HTR4: variants seen among roughly 807,000 people sequenced by gnomAD.
HTR4 encodes the protein 5-hydroxytryptamine (serotonin) receptor 4, G protein-coupled.
In HTR4, 16 loss-of-function variants were observed where a neutral mutation model predicts 36.8. The ratio of observed to expected loss-of-function variants is 0.43; its 90% CI spans 0.29 to 0.66. The LOEUF is 0.66. HTR4 is among the 30% of genes least tolerant of loss of function. The pLI is 0.13. For missense variants in HTR4, 438 were observed against 490.9 expected (o/e 0.89, Z 1.02); for synonymous variants, 189 against 185.1 (o/e 1.02, Z -0.17).
At chr5:148,501,814 C>T (rs1756946597) in intron 6 of HTR4, among the ~76,000 whole-genome samples, 1 of 152,108 alleles carries the variant, frequency 6.6e-6, no homozygotes, top group Non-Finnish European at 1.5e-5. Context: ...AATCCCAGCA[C>T]TTTGGGAGGC....
intron 4 of HTR4, among the ~76,000 whole-genome samples, chr5:148,544,234 T>C (rs560809615): frequency 6.6e-6 from 1 of 152,228 alleles, no homozygotes; most frequent in South Asian, 2.1e-4. Flanking sequence ...GATCTTTCTT[T>C]TTCATTCTCA....
At chr5:148,460,325 A>C (rs897905671) in intron 5 of HTR4, among the ~76,000 whole-genome samples, 2 of 152,186 alleles carry the variant, frequency 1.3e-5, no homozygotes, top group African/African-American at 4.8e-5. Flanking sequence ...ATAAATGCCA[A>C]CAAAATTACA....
intron 5 of HTR4, among the ~76,000 whole-genome samples, chr5:148,455,058 C>T (rs1755066734): frequency 6.6e-6 from 1 of 152,152 alleles, no homozygotes; most frequent in Non-Finnish European, 1.5e-5. Flanking sequence ...TTTATTAAGA[C>T]ATTAGGATGT....
At position 148,603,886 on chromosome 5, in the gene HTR4, C is replaced by A. The variant is rs373100873; in HGVS notation, c.26+33103G>T. ...AATAGGATTTGGAAATAGCCCCACC[C>A]GTAATCATCACGGACTTAAGATACA... On this transcript the variant is annotated intron_variant, in intron 2 of 6. Coordinates refer to ENST00000377888, the MANE Select transcript of HTR4 (RefSeq NM_000870.7). Among the ~76,000 whole-genome samples the A allele has an allele frequency of 1.1e-3, 161 of 152,018 alleles. 2 individuals are homozygous for A. The highest frequency in any genetic ancestry group is 3.5e-3 in the African/African-American group (147 of 41,502).
In HTR4 at chr5:148,510,005, T is replaced by C. The variant is rs2113772555; in HGVS notation, c.527A>G (p.Asn176Ser). The C allele has an allele frequency of 6.2e-7, 1 of 1,611,576 alleles. No individual in the cohort carries two copies. ...IIDLIEKRKFNQNSNSTYCVF... is the reference protein window; with the variant it reads ...IIDLIEKRKFSQNSNSTYCVF... ...ACAGTACGTAGAGTTAGAGTTCTGGTTGAACTTCCTCTTTTCTATCTGAGA... is the reference window on the plus strand; with the variant it reads ...ACAGTACGTAGAGTTAGAGTTCTGGCTGAACTTCCTCTTTTCTATCTGAGA... The change falls in exon 6 of 7, where the codon AAC (asparagine) becomes AGC (serine). Residue 176 changes from asparagine (N) to serine (S), a missense_variant. Asn to Ser is a conservative substitution (Grantham distance 46, BLOSUM62 1). Transcript: ENST00000377888.
At chr5:148,645,767 G>A (rs1227593003) in intron 1 of HTR4, 1 of 152,218 alleles carries the variant, frequency 6.6e-6, no homozygotes, top group Non-Finnish European at 1.5e-5. Context: ...GCTTTCCTGT[G>A]CCCCAATCAT....
chr5:148,462,178 A>C (rs774047041), intron 5 of HTR4, among the ~76,000 whole-genome samples: 1 of 152,036 alleles, frequency 6.6e-6, no homozygotes, highest in African/African-American at 2.4e-5. Context: ...GGGAGAATTC[A>C]GTGAAATTGA....
intron 5 of HTR4, among the ~76,000 whole-genome samples, chr5:148,470,488 G>T (rs1755538109): frequency 6.6e-6 from 1 of 152,172 alleles, no homozygotes; most frequent in Non-Finnish European, 1.5e-5. Context: ...CTAGATGTAA[G>T]TATTTTAGGC....
At chr5:148,613,249 A>T (rs1185222210) in intron 2 of HTR4, among the ~76,000 whole-genome samples, 3 of 145,686 alleles carry the variant, frequency 2.1e-5, no homozygotes, top group Non-Finnish European at 4.5e-5. Context: ...TTAGACCAAT[A>T]TCCTTGATGA....
At chr5:148,538,308 C>G (rs1391288179) in intron 4 of HTR4, among the ~76,000 whole-genome samples, 1 of 152,116 alleles carries the variant, frequency 6.6e-6, no homozygotes, top group Non-Finnish European at 1.5e-5. Context: ...GAAGCATTCC[C>G]CTTTACAAAT....
chr5:148,550,687 GT>G (rs548834998), intron 2 of HTR4, among the ~76,000 whole-genome samples: 100 of 152,286 alleles, frequency 6.6e-4, no homozygotes, highest in African/African-American at 2.4e-3. Context: ...GGTGAGTTGT[GT>G]TTTAGTTGCC....
intron 2 of HTR4, among the ~76,000 whole-genome samples, chr5:148,596,521 G>A (rs1761781789): frequency 6.6e-6 from 1 of 152,116 alleles, no homozygotes; most frequent in Non-Finnish European, 1.5e-5. Context: ...TGGCATTTTG[G>A]GGGCTGGGGC....
At chr5:148,587,565 A>G (rs1255430361) in intron 2 of HTR4, among the ~76,000 whole-genome samples, 1 of 151,942 alleles carries the variant, frequency 6.6e-6, no homozygotes, top group Non-Finnish European at 1.5e-5. Flanking sequence ...TCCCAGTAGA[A>G]CTCTGGAAGG....
At chr5:148,575,313 C>A (rs1460136030) in intron 2 of HTR4, among the ~76,000 whole-genome samples, 1 of 152,008 alleles carries the variant, frequency 6.6e-6, no homozygotes, top group African/African-American at 2.4e-5. Flanking sequence ...AAACTGGATT[C>A]CTTTCTTTTT....
intron 2 of HTR4, among the ~76,000 whole-genome samples, chr5:148,601,585 G>C (rs1031866341): frequency 2.0e-5 from 3 of 152,124 alleles, no homozygotes; most frequent in Non-Finnish European, 4.4e-5. Context: ...TGGATATCTT[G>C]AGCTCAGGAG....
intron 5 of HTR4, chr5:148,451,374 C>T: frequency 6.3e-7 from 1 of 1,575,142 alleles, no homozygotes; most frequent in Non-Finnish European, 8.6e-7. Flanking sequence ...TCTTTGCATA[C>T]TTCTGAGGGT....
chr5:148,553,933 T>C lies in HTR4; in HGVS notation c.27-3671A>G, dbSNP rs1415595847. 2.6e-5 allele frequency among the ~76,000 whole-genome samples: 4 copies of C among 152,284 alleles called. No homozygotes were observed. The South Asian group carries it at 6.2e-4, about 24-fold the overall frequency. On this transcript the variant is annotated intron_variant, in intron 2 of 6. Coordinates refer to ENST00000377888, the MANE Select transcript of HTR4 (RefSeq NM_000870.7). ...CAAACAGACACTTGTATACCAACAG[T>C]CTATAGCAGCATTATTCACAAGAGC...
intron 3 of HTR4, among the ~76,000 whole-genome samples, chr5:148,549,531 G>C (rs1321258911): frequency 6.6e-6 from 1 of 152,154 alleles, no homozygotes; most frequent in Non-Finnish European, 1.5e-5. Flanking sequence ...TGATGCTGAG[G>C]TCTCACCCCA....
chr5:148,527,759 G>A (rs149865676), intron 4 of HTR4, among the ~76,000 whole-genome samples: 5 of 152,184 alleles, frequency 3.3e-5, no homozygotes, highest in Admixed American at 2.0e-4. Context: ...GAATACAGGC[G>A]TGCACCACCA....
Sources: gnomAD v4.1 joint callset for allele counts (sites outside exome capture counted in the v4.1 genomes callset) on GRCh38, gnomAD v4.1.1 for gene constraint, MANE v1.5 for transcripts, NCBI Gene and HGNC (gene_info 2026-07-23, HGNC 2026-07-21) for gene names.